The following ATP9B variants were observed in gnomAD, a reference collection of about 807,000 sequenced individuals.
ATP9B encodes probable phospholipid-transporting ATPase IIB.
A neutral mutation model predicts 146.1 loss-of-function variants in ATP9B; 110 were observed. The ratio of observed to expected loss-of-function variants is 0.75; its 90% CI spans 0.65 to 0.88. ATP9B has a LOEUF of 0.88. Ranked by LOEUF, ATP9B falls within the 40% of genes least tolerant of loss-of-function variation. The pLI, the probability that ATP9B is intolerant of heterozygous loss-of-function variation, is 0.00. For synonymous variants in ATP9B, 604 were observed against 569.7 expected (o/e 1.06, Z -0.86); for missense variants, 1,499 against 1,496.4 (o/e 1.00, Z -0.03).
intron 19 of ATP9B, among the ~76,000 whole-genome samples, chr18:79,339,878 A>G (rs892668503): frequency 6.6e-6 from 1 of 152,232 alleles, no homozygotes; most frequent in Non-Finnish European, 1.5e-5. Flanking sequence ...TCATGTAGAA[A>G]TTCAAAATTA....
chr18:79,197,050 G>A (rs1285655689), intron 9 of ATP9B, among the ~76,000 whole-genome samples: 1 of 151,854 alleles, frequency 6.6e-6, no homozygotes, highest in Non-Finnish European at 1.5e-5. Flanking sequence ...GCATATATAG[G>A]GTGTCACCAA....
intron 1 of ATP9B, among the ~76,000 whole-genome samples, chr18:79,091,863 A>G (rs891715533): frequency 1.3e-5 from 2 of 152,246 alleles, no homozygotes; most frequent in African/African-American, 4.8e-5. Context: ...TTCAGTTGCT[A>G]TTGTGGATTT....
intron 12 of ATP9B, among the ~76,000 whole-genome samples, chr18:79,265,402 C>G (rs1257567733): frequency 6.6e-6 from 1 of 152,186 alleles, no homozygotes; most frequent in East Asian, 1.9e-4. Context: ...CCTCGGCCTC[C>G]CAAAGTTCTG....
At chr18:79,310,748 G>T (rs115963034) in intron 15 of ATP9B, among the ~76,000 whole-genome samples, 2,323 of 152,166 alleles carry the variant, frequency 0.015, 65 homozygotes, top group African/African-American at 0.054. Flanking sequence ...GAAGCAAGTG[G>T]TTTTTAAACT....
At chr18:79,235,468 G>C (rs2095832507) in intron 11 of ATP9B, among the ~76,000 whole-genome samples, 1 of 151,736 alleles carries the variant, frequency 6.6e-6, no homozygotes. Flanking sequence ...TATTATTGAC[G>C]GTCAGTATTT....
At chr18:79,127,808 C>T (rs951975061) in intron 5 of ATP9B, among the ~76,000 whole-genome samples, 1 of 152,124 alleles carries the variant, frequency 6.6e-6, no homozygotes, top group African/African-American at 2.4e-5. Flanking sequence ...ATTGGCCACA[C>T]CATTTTACAT....
rs1285168738 is a variant in ATP9B, at chr18:79,070,186, CAAAGA to C, written c.119+666_119+670del. Reference sequence around the variant, plus strand: ...TAGCTCATATTTAACATTTCTCATTCAAAGAAAAGAAAATTTTAAAAAGTGTTGCT... The same window carrying C: ...TAGCTCATATTTAACATTTCTCATTCAAAGAAAATTTTAAAAAGTGTTGCT... On this transcript the variant is annotated intron_variant, in intron 1 of 29. Coordinates refer to ENST00000426216, the MANE Select transcript of ATP9B (RefSeq NM_198531.5). Among the ~76,000 whole-genome samples the C allele has an allele frequency of 3.9e-5, 6 of 152,130 alleles. No individual in the cohort carries two copies. In the East Asian group the frequency reaches 1.2e-3, roughly 29 times the overall value.
chr18:79,288,783 T>C (rs1040628657), intron 13 of ATP9B, among the ~76,000 whole-genome samples: 16 of 152,250 alleles, frequency 1.1e-4, no homozygotes, highest in African/African-American at 3.4e-4. Flanking sequence ...TAGTGCATCC[T>C]TCAGGAGCTC....
At chr18:79,200,882 C>T (rs931606343) in intron 9 of ATP9B, among the ~76,000 whole-genome samples, 1 of 142,536 alleles carries the variant, frequency 7.0e-6, no homozygotes, top group Non-Finnish European at 1.6e-5. Context: ...CTGAGGCTCC[C>T]ACACCCTTTT....
In ATP9B at chr18:79,081,792, G is replaced by A. The variant is rs182302882; in HGVS notation, c.119+12263G>A. Reference sequence around the variant, plus strand: ...GAGAGATCTGCTGTTAGTCTGATGGGCTTCTCTTTGTGGGTAACCCGACCT... The same window carrying A: ...GAGAGATCTGCTGTTAGTCTGATGGACTTCTCTTTGTGGGTAACCCGACCT... On this transcript the variant is annotated intron_variant, in intron 1 of 29. Coordinates refer to ENST00000426216, the MANE Select transcript of ATP9B (RefSeq NM_198531.5). 4.9e-3 allele frequency among the ~76,000 whole-genome samples: 739 copies of A among 151,790 alleles called. 5 individuals carry two copies. The highest frequency in any genetic ancestry group is 0.025 in the South Asian group (119 of 4,786).
intron 15 of ATP9B, 97 bp downstream of exon 15, chr18:79,307,331 C>T (rs557277126): frequency 1.3e-6 from 2 of 1,534,854 alleles, no homozygotes; most frequent in South Asian, 1.2e-5. Context: ...TATAGAGGAG[C>T]AGTTTATCGT....
chr18:79,154,189 A>C (rs1341717561), intron 6 of ATP9B, among the ~76,000 whole-genome samples: 2 of 151,286 alleles, frequency 1.3e-5, no homozygotes, highest in Non-Finnish European at 2.9e-5. Flanking sequence ...TCTCGATCTC[A>C]TGACCTCATG....
At chr18:79,176,106 G>A (rs1313740889) in intron 7 of ATP9B, among the ~76,000 whole-genome samples, 1 of 152,126 alleles carries the variant, frequency 6.6e-6, no homozygotes, top group African/African-American at 2.4e-5. Context: ...ATTGCCGTAT[G>A]TGCTCTGTTT....
intron 8 of ATP9B, among the ~76,000 whole-genome samples, chr18:79,179,222 A>G (rs1407284617): frequency 6.6e-6 from 1 of 152,010 alleles, no homozygotes; most frequent in African/African-American, 2.4e-5. Context: ...TTTATCGATC[A>G]TTTCAAAGAA....
chr18:79,340,808 T>C (rs555279479), intron 19 of ATP9B, among the ~76,000 whole-genome samples: 1 of 152,376 alleles, frequency 6.6e-6, no homozygotes, highest in South Asian at 2.1e-4. Flanking sequence ...AAACAACTTT[T>C]GGTTTGACTA....
chr18:79,220,869 A>T (rs921067590), intron 11 of ATP9B, among the ~76,000 whole-genome samples: 1 of 152,150 alleles, frequency 6.6e-6, no homozygotes, highest in Non-Finnish European at 1.5e-5. Context: ...GTAGGATGTC[A>T]CGCCCTCTTG....
At chr18:79,144,493 G>C (rs1380533385) in intron 6 of ATP9B, among the ~76,000 whole-genome samples, 1 of 152,178 alleles carries the variant, frequency 6.6e-6, no homozygotes, top group Non-Finnish European at 1.5e-5. Context: ...TCCCTTGCGT[G>C]TGCAGTTCAC....
At chr18:79,119,356 C>T (rs1040671310) in intron 4 of ATP9B, among the ~76,000 whole-genome samples, 16 of 152,144 alleles carry the variant, frequency 1.1e-4, no homozygotes, top group African/African-American at 3.6e-4. Flanking sequence ...TTTACCAAGA[C>T]GAGAAAACGT....
chr18:79,290,481 C>T lies in ATP9B; in HGVS notation c.1412-13123C>T, dbSNP rs950131066. The stretch of plus-strand genomic sequence containing the variant: ...AAGCCCGTCAGAAAAGTGCAGTATT[C>T]GGGTGGGAGTGACCCGATTTTCCAG... On this transcript the variant is annotated intron_variant, in intron 13 of 29. Transcript: ENST00000426216. Among the ~76,000 whole-genome samples, 11 of 152,058 alleles carry T rather than the reference C, an allele frequency of 7.2e-5. 1 individual carries two copies. The highest frequency in any genetic ancestry group is 3.2e-3 in the Middle Eastern group (1 of 316).
Sources: allele counts gnomAD v4.1 joint callset (sites outside exome capture counted in the v4.1 genomes callset), GRCh38; gene constraint gnomAD v4.1.1; transcripts MANE v1.5; gene names NCBI Gene and HGNC (gene_info 2026-07-23, HGNC 2026-07-21).